The following NLGN4X variants were observed in gnomAD, a reference collection of about 807,000 sequenced individuals.
The protein encoded by NLGN4X is neuroligin-4, X-linked.
A neutral mutation model predicts 40.3 loss-of-function variants in NLGN4X; 3 were observed. The ratio of observed to expected loss-of-function variants is 0.07; its 90% CI spans 0.03 to 0.19. The LOEUF is 0.19. Among genes scored for constraint, NLGN4X ranks in the 10% least tolerant of loss-of-function variants. The pLI is 1.00. For missense variants in NLGN4X, 382 were observed against 708.3 expected (o/e 0.54, Z 5.23); for synonymous variants, 270 against 306.8 (o/e 0.88, Z 1.25).
Position 6,048,600 on chromosome X carries a change from C to G in NLGN4X, c.473-19168G>C, listed in dbSNP as rs1230317621. Among the ~76,000 whole-genome samples the G allele has an allele frequency of 2.7e-5, 3 of 111,782 alleles. No individual in the cohort carries two copies. In the East Asian group the frequency reaches 8.4e-4, roughly 31 times the overall value. ...CAAAGACATGGAATCAACCCAAATG[C>G]CCATCAATGATTGACTGGATAAAGC... is the stretch of plus-strand genomic sequence containing the variant. On this transcript the variant is annotated intron_variant, in intron 2 of 5. Transcript: ENST00000381095.
At chrX:6,135,273 A>C (rs1349721713) in intron 2 of NLGN4X, among the ~76,000 whole-genome samples, 2 of 111,617 alleles carry the variant, frequency 1.8e-5, no homozygotes, top group Admixed American at 1.9e-4. Context: ...CTGTCACTTT[A>C]TCTCTCTATG....
intron 3 of NLGN4X, among the ~76,000 whole-genome samples, chrX:5,924,085 G>C (rs1489933462): frequency 9.0e-6 from 1 of 111,610 alleles, no homozygotes; most frequent in East Asian, 2.8e-4. Flanking sequence ...ATCGGCAAGT[G>C]ATGGAAAACA....
At chrX:6,041,124 G>A (rs549861078) in intron 2 of NLGN4X, among the ~76,000 whole-genome samples, 17 of 111,200 alleles carry the variant, frequency 1.5e-4, no homozygotes, top group African/African-American at 5.6e-4. Context: ...AAGCTTCCAT[G>A]AAGAGTCTAT....
At chrX:6,051,058 T>C (rs2037480042) in intron 2 of NLGN4X, among the ~76,000 whole-genome samples, 1 of 111,584 alleles carries the variant, frequency 9.0e-6, no homozygotes, top group South Asian at 3.8e-4. Flanking sequence ...CTGTGTTGAA[T>C]AATGTCCCAA....
At chrX:6,003,801 G>A (rs186931008) in intron 3 of NLGN4X, among the ~76,000 whole-genome samples, 50 of 112,221 alleles carry the variant, frequency 4.5e-4, no homozygotes, top group Admixed American at 1.1e-3. Context: ...CGGTCTCTGC[G>A]GATGGCAAAG....
At position 6,179,099 on chromosome X, in the gene NLGN4X, A is replaced by AAAGGAAGGAAGGAAGG. The variant is rs750508795; in HGVS notation, c.-305-27344_-305-27329dup. ...GAGCGACAAAGCAAGACCCTGAAAA[A>AAAGGAAGGAAGGAAGG]AAGGAAGGAAGGAAGGAAGGAAGGA... On this transcript the variant is annotated intron_variant, in intron 1 of 5. Transcript: ENST00000381095. Among the ~76,000 whole-genome samples the AAAGGAAGGAAGGAAGG allele has an allele frequency of 5.5e-3, 432 of 78,186 alleles. 19 individuals are homozygous for AAAGGAAGGAAGGAAGG. Among genetic ancestry groups the AAAGGAAGGAAGGAAGG allele is most frequent in the African/African-American group, 8.6e-3 (136 of 15,737 alleles). The allele number at this position is 78,186 out of a possible 115,157, so 67.9% of individuals were successfully genotyped here.
rs1352090698 is a variant in NLGN4X at position 5,941,178 on chromosome X, GGGGTGTGTGTGTGTGTGTGTGTGTGT to G, written c.626-31965_626-31940del. On this transcript the variant is annotated intron_variant, in intron 3 of 5. Transcript: ENST00000381095. ...AACGTTGTTCTGGATCGTATGCTAG[GGGGTGTGTGTGTGTGTGTGTGTGTGT>G]GTGTGTGTGTGTGTGTGTGTGTGTG... Among the ~76,000 whole-genome samples, 3 of 51,997 alleles carry G rather than the reference GGGGTGTGTGTGTGTGTGTGTGTGTGT, an allele frequency of 5.8e-5. No homozygotes were observed. The East Asian group carries it at 1.5e-3, about 25-fold the overall frequency. The allele number at this position is 51,997 out of a possible 115,157, so 45.2% of individuals were successfully genotyped here. A position where few individuals can be genotyped will look rare whatever the true frequency, so the allele number is the denominator to read the frequency against.
intron 1 of NLGN4X, among the ~76,000 whole-genome samples, chrX:6,178,656 T>A (rs1379019678): frequency 8.9e-6 from 1 of 112,449 alleles, no homozygotes; most frequent in African/African-American, 3.2e-5. Flanking sequence ...TAGTGAACAA[T>A]GAATATTTCA....
At chrX:6,076,269 T>C (rs754426201) in intron 2 of NLGN4X, among the ~76,000 whole-genome samples, 1 of 112,138 alleles carries the variant, frequency 8.9e-6, no homozygotes, top group East Asian at 2.8e-4. Context: ...TTAACGTATG[T>C]TATCCGAGAA....
intron 4 of NLGN4X, among the ~76,000 whole-genome samples, chrX:5,904,305 C>A (rs187157020): frequency 3.2e-4 from 36 of 111,835 alleles, no homozygotes; most frequent in Non-Finnish European, 5.8e-4. Context: ...GTCTCACAAG[C>A]AAAACTAGGT....
chrX:6,077,395 C>T (rs1230122964), intron 2 of NLGN4X, among the ~76,000 whole-genome samples: 1 of 108,701 alleles, frequency 9.2e-6, no homozygotes, highest in Non-Finnish European at 1.9e-5. Context: ...TCAAGCAATT[C>T]TCCTTGCCTC....
chrX:5,960,294 A>G (rs1314922546), intron 3 of NLGN4X, among the ~76,000 whole-genome samples: 1 of 110,066 alleles, frequency 9.1e-6, no homozygotes, highest in South Asian at 3.9e-4. Flanking sequence ...AATATGTGCA[A>G]ATGAATAAAT....
intron 1 of NLGN4X, among the ~76,000 whole-genome samples, chrX:6,185,969 C>T (rs1401187990): frequency 8.9e-6 from 1 of 112,404 alleles, no homozygotes; most frequent in Non-Finnish European, 1.9e-5. Context: ...CTCATCCATA[C>T]ACCCCAGATG....
chrX:5,973,756 G>T (rs1219913673), intron 3 of NLGN4X, among the ~76,000 whole-genome samples: 1 of 110,931 alleles, frequency 9.0e-6, no homozygotes, highest in Non-Finnish European at 1.9e-5. Context: ...CCGGGAGGCG[G>T]AGCTTGCAGT....
At chrX:5,998,912 T>C (rs2035902619) in intron 3 of NLGN4X, among the ~76,000 whole-genome samples, 1 of 112,680 alleles carries the variant, frequency 8.9e-6, no homozygotes, top group Admixed American at 9.3e-5. Flanking sequence ...GATCACAGTT[T>C]CATTTTAATA....
chrX:6,217,645 G>GGGTT (rs1569304303), intron 1 of NLGN4X, among the ~76,000 whole-genome samples: 1 of 111,478 alleles, frequency 9.0e-6, no homozygotes, highest in Non-Finnish European at 1.9e-5. Flanking sequence ...TCCCTCACTA[G>GGGTT]GGTTGGTTGG....
chrX:5,920,702 T>A (rs2032995331), intron 3 of NLGN4X, among the ~76,000 whole-genome samples: 1 of 111,423 alleles, frequency 9.0e-6, no homozygotes, highest in Admixed American at 9.6e-5. Context: ...TGTAACCAAG[T>A]TATTGAACCT....
At chrX:5,947,742 T>C (rs1258101734) in intron 3 of NLGN4X, among the ~76,000 whole-genome samples, 2 of 111,846 alleles carry the variant, frequency 1.8e-5, no homozygotes, top group African/African-American at 3.2e-5. Flanking sequence ...TTTCCCGACA[T>C]GGCTGGCATT....
At position 6,193,116 on chromosome X, in the gene NLGN4X, G is replaced by A. The variant is rs754333394; in HGVS notation, c.-306+35425C>T. The stretch of plus-strand genomic sequence containing the variant: ...TACCATTGCCTCGTCCTTCTGAGAT[G>A]GTGCCTTTAAAAATGCCTCCCTGGG... On this transcript the variant is annotated intron_variant, in intron 1 of 5. Coordinates refer to ENST00000381095, the MANE Select transcript of NLGN4X (RefSeq NM_181332.3). Among the ~76,000 whole-genome samples the A allele has an allele frequency of 3.6e-5, 4 of 112,032 alleles. No homozygotes were observed. The Admixed American group carries it at 3.8e-4, about 11-fold the overall frequency.
Sources: allele counts gnomAD v4.1 joint callset (sites outside exome capture counted in the v4.1 genomes callset), GRCh38; gene constraint gnomAD v4.1.1; transcripts MANE v1.5; gene names NCBI Gene and HGNC (gene_info 2026-07-23, HGNC 2026-07-21).